The following HIPK1 variants were observed in gnomAD, a reference collection of about 807,000 sequenced individuals.
The protein encoded by HIPK1 is homeodomain interacting protein kinase 1, also known as homeodomain-interacting protein kinase 1.
Under a neutral mutation model 117.1 loss-of-function variants are expected in HIPK1, and 28 were observed. The observed-to-expected ratio is 0.24, with a 90% CI of 0.18 to 0.33. The LOEUF is 0.33. Ranked by LOEUF, HIPK1 falls within the 10% of genes least tolerant of loss-of-function variation. HIPK1 has a pLI of 1.00. For synonymous variants in HIPK1, 605 were observed against 562.5 expected (o/e 1.08, Z -1.07); for missense variants, 1,122 against 1,475.1 (o/e 0.76, Z 3.92).
chr1:113,966,378 A>G lies in HIPK1; in HGVS notation c.2381+106A>G. On this transcript the variant is annotated intron_variant, in intron 11 of 15. Transcript: ENST00000426820. The stretch of plus-strand genomic sequence containing the variant: ...TAGTAAGAAAATAAAGGAAAATTTG[A>G]CACTGTTGGAATCCTTTAAGAACCC... 1.9e-6 allele frequency: 2 copies of G among 1,059,706 alleles called. 1 individual carries two copies. The allele number at this position is 1,059,706 out of a possible 1,614,324, so 65.6% of individuals were successfully genotyped here.
At position 113,956,693 on chromosome 1, in the gene HIPK1, A is replaced by G. The variant is rs1671748304; in HGVS notation, c.1474A>G (p.Ile492Val). 1.2e-6 allele frequency: 2 copies of G among 1,614,070 alleles called. No homozygotes were observed. The highest frequency in any genetic ancestry group is 8.5e-7 in the Non-Finnish European group (1 of 1,179,898). Residue 492 changes from isoleucine (I) to valine (V), a missense_variant, in exon 6 of 16, where the codon ATT becomes GTT. Around this residue, in one of 6 missense-constraint regions of HIPK1, gnomAD observed 127 missense variants for 197.9 expected, o/e 0.64. Coordinates refer to ENST00000426820, the MANE Select transcript of HIPK1 (RefSeq NM_198268.3). ...AGAGAAGGCAGACCGAAGAGAATAC[A>G]TTGATCTGTTAAAGAAAATGCTCAC... ...LAEKADRREY[I>V]DLLKKMLTID...
At position 113,958,200 on chromosome 1, in the gene HIPK1, G is replaced by T; in HGVS notation, c.1890G>T (p.Gln630His). 6.2e-7 allele frequency: 1 copy of T among 1,614,162 alleles called. No homozygotes were observed. Among genetic ancestry groups the T allele is most frequent in the Non-Finnish European group, 8.5e-7 (1 of 1,180,022 alleles). The change falls in exon 8 of 16, where the codon CAG becomes CAT. Residue 630 changes from glutamine (Q) to histidine (H), a missense_variant. Physicochemically the swap from Gln to His is conservative, Grantham distance 24. Around this residue, in one of 6 missense-constraint regions of HIPK1, gnomAD observed 731 missense variants for 860.4 expected, o/e 0.85. Coordinates refer to ENST00000426820, the MANE Select transcript of HIPK1 (RefSeq NM_198268.3). ...CACCAGTTCCTGGAGTTGCCCAGCA[G>T]GGTGTTTCCTTGCAGCCTGGAACCA... ...SAAPVPGVAQQGVSLQPGTTQ... is the reference protein window; with the variant it reads ...SAAPVPGVAQHGVSLQPGTTQ...
Position 113,973,512 on chromosome 1 carries a change from G to A in HIPK1, c.3633G>A (p.Ter1211=). 1 of 1,574,698 alleles carries A rather than the reference G, an allele frequency of 6.4e-7. No individual in the cohort carries two copies. Among genetic ancestry groups the A allele is most frequent in the South Asian group, 1.2e-5 (1 of 84,458 alleles). The part of the protein sequence containing the change: ...PTKISQYSYL[*] Reference sequence around the variant, plus strand: ...AGATCAGCCAGTATTCCTACTTATAGTTGGTGAGCATGAGGGAGGAGGAAT... The same window carrying A: ...AGATCAGCCAGTATTCCTACTTATAATTGGTGAGCATGAGGGAGGAGGAAT... The change falls in exon 16 of 16, where the codon TAG becomes TAA. Residue 1211 remains the stop codon, a stop_retained_variant. Transcript: ENST00000426820.
intron 2 of HIPK1, among the ~76,000 whole-genome samples, chr1:113,942,028 T>C (rs567295930): frequency 4.6e-5 from 7 of 152,028 alleles, no homozygotes; most frequent in African/African-American, 1.7e-4. Context: ...CCCAAAGCGC[T>C]GGGATTACAG....
In HIPK1 at chr1:113,967,751, T is replaced by C. The variant is rs1184388044; in HGVS notation, c.2382-15T>C. The C allele has an allele frequency of 1.4e-6, 2 of 1,473,432 alleles. No homozygotes were observed. The highest frequency in any genetic ancestry group is 2.9e-5 in the South Asian group (2 of 68,322). The allele number at this position is 1,473,432 out of a possible 1,614,324, so 91.3% of individuals were successfully genotyped here. ...GTTTTGGAATTCACTCTTCTCTTTCTTTCTGTTGGTACAGGAATGCCCACT... is the reference window on the plus strand; with the variant it reads ...GTTTTGGAATTCACTCTTCTCTTTCCTTCTGTTGGTACAGGAATGCCCACT... On this transcript the variant is annotated splice_polypyrimidine_tract_variant and intron_variant, in intron 11 of 15. Transcript: ENST00000426820.
chr1:113,948,577 T>C (rs573462054), intron 2 of HIPK1, among the ~76,000 whole-genome samples: 2 of 151,826 alleles, frequency 1.3e-5, no homozygotes, highest in African/African-American at 4.8e-5. Flanking sequence ...TTTAAACTGC[T>C]TTCCTTTTTT....
At chr1:113,954,800 C>G in intron 4 of HIPK1, 30 bp downstream of exon 4, 1 of 1,585,520 alleles carries the variant, frequency 6.3e-7, no homozygotes, top group African/African-American at 1.3e-5. Flanking sequence ...CTTCCGACTC[C>G]TGTACTCCAC....
At chr1:113,952,726 G>GTTTTT in intron 2 of HIPK1, 40 bp from the exon 3 acceptor site, 2 of 1,007,178 alleles carry the variant, frequency 2.0e-6, no homozygotes, top group Non-Finnish European at 2.7e-6. Context: ...CCCAAATAAT[G>GTTTTT]TTTTTTTTTT....
At position 113,958,281 on chromosome 1, in the gene HIPK1, T is replaced by G. The variant is rs771981921; in HGVS notation, c.1971T>G (p.Pro657=). ...AACAGACATTTATAGTATGTCCACC[T>G]GCGTTTCAAAGTAAGTGGGGAAACT... ...PFQQTFIVCP[P]AFQTGLQATT... The change falls in exon 8 of 16, where the codon CCT becomes CCG. Residue 657 remains proline (P), a synonymous_variant. Coordinates refer to ENST00000426820, the MANE Select transcript of HIPK1 (RefSeq NM_198268.3). 27 of 1,612,316 alleles carry G rather than the reference T, an allele frequency of 1.7e-5. No individual in the cohort carries two copies. The highest frequency in any genetic ancestry group is 2.3e-5 in the Non-Finnish European group (27 of 1,178,550).
In HIPK1 at chr1:113,957,978, A is replaced by G. The variant is rs1317378437; in HGVS notation, c.1756-88A>G. The G allele has an allele frequency of 8.2e-6, 8 of 981,508 alleles. No homozygotes were observed. In the African/African-American group the frequency reaches 1.3e-4, roughly 16 times the overall value. The allele number at this position is 981,508 out of a possible 1,614,324, so 60.8% of individuals were successfully genotyped here. A position where few individuals can be genotyped will look rare whatever the true frequency, so the allele number is the denominator to read the frequency against. ...ACATTACATTTTAAAACATTATTCT[A>G]CGTTTTTCTGGATAAATTCTGTATA... On this transcript the variant is annotated intron_variant, in intron 7 of 15. Coordinates refer to ENST00000426820, the MANE Select transcript of HIPK1 (RefSeq NM_198268.3).
Position 113,973,362 on chromosome 1 carries a change from G to A in HIPK1, c.3483G>A (p.Gly1161=). 6.2e-7 allele frequency: 1 copy of A among 1,614,080 alleles called. No homozygotes were observed. Among genetic ancestry groups the A allele is most frequent in the Non-Finnish European group, 8.5e-7 (1 of 1,180,014 alleles). Residue 1161 remains glycine, a synonymous_variant, in exon 16 of 16, where the codon GGG becomes GGA. Transcript: ENST00000426820. ...TGCACCAGGTCCCTGTCAGTGTTGGGCCCAGCCTCCTCACTTCTGCCAGCG... is the reference window on the plus strand; with the variant it reads ...TGCACCAGGTCCCTGTCAGTGTTGGACCCAGCCTCCTCACTTCTGCCAGCG... ...TLVHQVPVSV[G]PSLLTSASVA... is the part of the protein sequence containing the mutation.
intron 1 of HIPK1, among the ~76,000 whole-genome samples, chr1:113,938,927 A>ATAT (rs60152674): frequency 5.9e-5 from 7 of 118,422 alleles, no homozygotes; most frequent in South Asian, 2.7e-4. Flanking sequence ...AAAAAAAAAA[A>ATAT]ATACACACAC....
At position 113,929,494 on chromosome 1, in the gene HIPK1, A is replaced by G; in HGVS notation, c.-41A>G. Reference sequence around the variant, plus strand: ...CTCCTACTGCAATCAGTACTATGCGATCGTCCTAGAGAGTCCATTCAGCTG... The same window carrying G: ...CTCCTACTGCAATCAGTACTATGCGGTCGTCCTAGAGAGTCCATTCAGCTG... On this transcript the variant is annotated 5_prime_UTR_variant, in exon 1 of 16. Coordinates refer to ENST00000426820, the MANE Select transcript of HIPK1 (RefSeq NM_198268.3). 7.8e-7 allele frequency: 1 copy of G among 1,289,320 alleles called. No homozygotes were observed. The highest frequency in any genetic ancestry group is 1.0e-6 in the Non-Finnish European group (1 of 988,834). The allele number at this position is 1,289,320 out of a possible 1,614,324, so 79.9% of individuals were successfully genotyped here.
At position 113,973,293 on chromosome 1, in the gene HIPK1, C is replaced by T. The variant is rs1458274062; in HGVS notation, c.3414C>T (p.Ser1138=). ...SIAHLFSPQG[S]SRHAAAYTTH... ...CTCATCTTTTCTCCCCACAGGGTTC[C>T]TCAAGGCATGCTGCAGCCTATACCA... Residue 1138 remains serine, a synonymous_variant, in exon 16 of 16, where the codon TCC becomes TCT. Transcript: ENST00000426820. 6.2e-7 allele frequency: 1 copy of T among 1,614,084 alleles called. No homozygotes were observed. Among genetic ancestry groups the T allele is most frequent in the African/African-American group, 1.3e-5 (1 of 74,916 alleles).
chr1:113,958,057 T>C lies in HIPK1; in HGVS notation c.1756-9T>C. On this transcript the variant is annotated splice_polypyrimidine_tract_variant and intron_variant, in intron 7 of 15. Transcript: ENST00000426820. The stretch of plus-strand genomic sequence containing the variant: ...TACAAGTGTACAAATATAATCCTTT[T>C]GTTTTTAGGCCAGTGTTCTAGCTTC... 2 of 1,599,640 alleles carry C rather than the reference T, an allele frequency of 1.3e-6. No homozygotes were observed. Among genetic ancestry groups the C allele is most frequent in the Non-Finnish European group, 1.7e-6 (2 of 1,166,836 alleles).
intron 7 of HIPK1, among the ~76,000 whole-genome samples, 186 bp from the exon 8 acceptor site, chr1:113,957,880 T>C (rs1671829765): frequency 1.3e-5 from 2 of 152,146 alleles, no homozygotes; most frequent in Admixed American, 6.5e-5. Flanking sequence ...TTTGCTTATT[T>C]GACCATATAA....
chr1:113,963,339 A>G, intron 9 of HIPK1, 48 bp from the exon 10 acceptor site: 1 of 1,603,338 alleles, frequency 6.2e-7, no homozygotes, highest in Non-Finnish European at 8.5e-7. Flanking sequence ...GAATCCAGAT[A>G]TCCTGCCTCC....
At chr1:113,966,016 A>T in intron 10 of HIPK1, 114 bp from the exon 11 acceptor site, 1 of 1,015,312 alleles carries the variant, frequency 9.8e-7, no homozygotes, top group Non-Finnish European at 1.4e-6. Flanking sequence ...TCTGCAAGTT[A>T]ACAATCTACA....
chr1:113,969,420 A>G (rs1452487023), intron 13 of HIPK1, among the ~76,000 whole-genome samples: 1 of 152,168 alleles, frequency 6.6e-6, no homozygotes, highest in African/African-American at 2.4e-5. Context: ...CTCATCTGCA[A>G]AATGGGGTTT....
Sources: gnomAD v4.1 joint callset for allele counts (sites outside exome capture counted in the v4.1 genomes callset) on GRCh38, gnomAD v4.1.1 for gene constraint, gnomAD v4.1.1 regional missense constraint, MANE v1.5 for transcripts, NCBI Gene and HGNC (gene_info 2026-07-23, HGNC 2026-07-21) for gene names.